The following POLR3B variants were observed in gnomAD, a reference collection of about 807,000 sequenced individuals.
The protein encoded by POLR3B is DNA-directed RNA polymerase III subunit RPC2.
A neutral mutation model predicts 147.4 loss-of-function variants in POLR3B; 96 were observed. That is an observed-to-expected ratio of 0.65 (90% confidence interval 0.55 to 0.77). The LOEUF is 0.77. Among genes scored for constraint, POLR3B ranks in the 30% least tolerant of loss-of-function variants. The pLI, the probability that POLR3B is intolerant of heterozygous loss-of-function variation, is 0.00. For synonymous variants in POLR3B, 461 were observed against 485.9 expected (o/e 0.95, Z 0.67); for missense variants, 1,036 against 1,413.5 (o/e 0.73, Z 4.28).
At chr12:106,458,225 G>A (rs1386492557) in intron 21 of POLR3B, among the ~76,000 whole-genome samples, 1 of 152,008 alleles carries the variant, frequency 6.6e-6, no homozygotes, top group Non-Finnish European at 1.5e-5. Flanking sequence ...AGACTCAAGT[G>A]ATTCTCCCAC....
intron 27 of POLR3B, chr12:106,507,912 C>A: frequency 2.3e-6 from 1 of 430,840 alleles, no homozygotes. Flanking sequence ...CACATTAATT[C>A]CCACCACCCA....
At chr12:106,361,417 A>C (rs1226620601) in intron 1 of POLR3B, among the ~76,000 whole-genome samples, 2 of 152,196 alleles carry the variant, frequency 1.3e-5, no homozygotes, top group African/African-American at 4.8e-5. Context: ...AGCTGGGGGA[A>C]GATTTAATTT....
chr12:106,477,236 A>C (rs7398088), intron 23 of POLR3B, among the ~76,000 whole-genome samples: 80,480 of 87,892 alleles, frequency 0.92, 37,424 homozygotes, highest in East Asian at 0.99. Flanking sequence ...CTCAGATCTC[A>C]AGCTGCGTGC....
intron 26 of POLR3B, among the ~76,000 whole-genome samples, chr12:106,503,222 A>T (rs2038630396): frequency 6.6e-6 from 1 of 152,212 alleles, no homozygotes. Flanking sequence ...GTAATCTACA[A>T]CTTCTTTGAT....
intron 11 of POLR3B, 55 bp from the exon 12 acceptor site, chr12:106,410,771 C>A: frequency 1.4e-6 from 2 of 1,421,352 alleles, no homozygotes; most frequent in Non-Finnish European, 9.9e-7. Flanking sequence ...TCTTGAGGTA[C>A]GTTAAATTTT....
intron 12 of POLR3B, 124 bp downstream of exon 12, chr12:106,411,084 A>C (rs1218707031): frequency 9.9e-6 from 8 of 804,714 alleles, no homozygotes; most frequent in Non-Finnish European, 1.6e-5. Context: ...TAAACATTTC[A>C]TACCTGACTT....
At chr12:106,393,610 C>G (rs1265399208) in intron 10 of POLR3B, among the ~76,000 whole-genome samples, 3 of 149,778 alleles carry the variant, frequency 2.0e-5, no homozygotes, top group Non-Finnish European at 4.4e-5. Context: ...TATGTGGTTT[C>G]TATTTCTTTT....
chr12:106,496,391 G>A, intron 24 of POLR3B: 1 of 628,410 alleles, frequency 1.6e-6, no homozygotes, highest in Admixed American at 2.6e-5. Context: ...AGTCTTCTGA[G>A]TGATGAATTT....
In POLR3B at chr12:106,496,846, A is replaced by T. The variant is rs2038495504; in HGVS notation, c.2912A>T (p.Asp971Val). 20 of 1,614,014 alleles carry T rather than the reference A, an allele frequency of 1.2e-5. No homozygotes were observed. In the East Asian group the frequency reaches 4.5e-4, roughly 36 times the overall value. Reference sequence around the variant, plus strand: ...GCGTTTGGAGGCAGTAAAGTGAAGGATGTGTGTGAGGACCTCGTTCGCCAT... The same window carrying T: ...GCGTTTGGAGGCAGTAAAGTGAAGGTTGTGTGTGAGGACCTCGTTCGCCAT... ...GTAFGGSKVK[D>V]VCEDLVRHGY... is the part of the protein sequence containing the mutation. The change falls in exon 25 of 28, where the codon GAT becomes GTT. Residue 971 changes from aspartate to valine, a missense_variant. Transcript: ENST00000228347.
intron 9 of POLR3B, among the ~76,000 whole-genome samples, chr12:106,383,103 C>T (rs941774476): frequency 1.3e-5 from 2 of 152,220 alleles, no homozygotes; most frequent in Non-Finnish European, 2.9e-5. Context: ...GAACCAACCT[C>T]TGCTAGTTTC....
intron 12 of POLR3B, among the ~76,000 whole-genome samples, chr12:106,423,856 C>CT (rs1194716090): frequency 0.014 from 2,089 of 144,720 alleles, 8 homozygotes; most frequent in Non-Finnish European, 0.019. Flanking sequence ...CTTATGGTGT[C>CT]TTTTTTTTTT....
chr12:106,489,173 G>A (rs1447819520), intron 23 of POLR3B, among the ~76,000 whole-genome samples: 1 of 152,180 alleles, frequency 6.6e-6, no homozygotes, highest in Non-Finnish European at 1.5e-5. Flanking sequence ...AAGAGTGTTT[G>A]TCCTGGCAAA....
chr12:106,362,284 G>A (rs79272405), intron 1 of POLR3B, among the ~76,000 whole-genome samples: 5,119 of 152,228 alleles, frequency 0.034, 149 homozygotes, highest in African/African-American at 0.078. Flanking sequence ...TTCCTTTGAA[G>A]TGGGAGGAAA....
intron 25 of POLR3B, chr12:106,500,096 A>C: frequency 4.4e-6 from 2 of 455,942 alleles, no homozygotes; most frequent in Non-Finnish European, 8.8e-6. Flanking sequence ...CTCTGTGTCC[A>C]TTTCTTCATC....
chr12:106,358,332 C>T, intron 1 of POLR3B: 1 of 902,978 alleles, frequency 1.1e-6, no homozygotes. Flanking sequence ...GCATGAGGCA[C>T]CACAGCCGGC....
At chr12:106,372,966 A>G (rs944977757) in intron 6 of POLR3B, among the ~76,000 whole-genome samples, 1 of 152,204 alleles carries the variant, frequency 6.6e-6, no homozygotes, top group African/African-American at 2.4e-5. Flanking sequence ...AGAAGACTTA[A>G]GATTTCCCAA....
intron 12 of POLR3B, among the ~76,000 whole-genome samples, chr12:106,426,267 T>TGTGTGTGTGTGTGTG (rs1565892652): frequency 1.3e-5 from 2 of 149,000 alleles, no homozygotes; most frequent in African/African-American, 5.0e-5. Flanking sequence ...TGTGTGTGTG[T>TGTGTGTGTGTGTGTG]TTAAGACAGA....
chr12:106,372,334 T>TG (rs1555208615), intron 6 of POLR3B, among the ~76,000 whole-genome samples: 2 of 2,064 alleles, frequency 9.7e-4, no homozygotes, highest in Admixed American at 5.1e-3. Flanking sequence ...TGTGTGTGTG[T>TG]TTTTTTTTTT....
intron 18 of POLR3B, among the ~76,000 whole-genome samples, chr12:106,440,181 G>A (rs971246980): frequency 6.6e-6 from 1 of 152,076 alleles, no homozygotes; most frequent in Non-Finnish European, 1.5e-5. Context: ...TTTCCGTCCT[G>A]ACCCTTTTTC....
Sources: allele counts gnomAD v4.1 joint callset (sites outside exome capture counted in the v4.1 genomes callset), GRCh38; gene constraint gnomAD v4.1.1; transcripts MANE v1.5; gene names NCBI Gene and HGNC (gene_info 2026-07-23, HGNC 2026-07-21).